Variants in PDE1A observed in about 807,000 individuals in gnomAD.
PDE1A encodes the protein phosphodiesterase 1A, also known as dual specificity calcium/calmodulin-dependent 3',5'-cyclic nucleotide phosphodiesterase 1A.
A neutral mutation model predicts 61.7 loss-of-function variants in PDE1A; 35 were observed. That is an observed-to-expected ratio of 0.57 (90% CI 0.43 to 0.75). The LOEUF is 0.75. Ranked by LOEUF, PDE1A falls within the 30% of genes least tolerant of loss-of-function variation. The pLI, the probability that PDE1A is intolerant of heterozygous loss-of-function variation, is 0.00. For synonymous variants in PDE1A, 232 were observed against 213.2 expected (o/e 1.09, Z -0.77); for missense variants, 597 against 630.6 (o/e 0.95, Z 0.57).
At chr2:182,521,501 T>C (rs987169663) in intron 2 of PDE1A, among the ~76,000 whole-genome samples, 86 of 152,166 alleles carry the variant, frequency 5.7e-4, no homozygotes, top group African/African-American at 2.0e-3. Flanking sequence ...AGATAAAGCA[T>C]ACAAACAGTG....
chr2:182,661,738 T>C, the PDE1A span, among the ~76,000 whole-genome samples: 1 of 152,162 alleles, frequency 6.6e-6, no homozygotes, highest in Non-Finnish European at 1.5e-5. Flanking sequence ...ATGTACCAAA[T>C]ATATTCCTAA....
chr2:182,490,526 C>T (rs1399641763), intron 2 of PDE1A, among the ~76,000 whole-genome samples: 1 of 152,136 alleles, frequency 6.6e-6, no homozygotes, highest in African/African-American at 2.4e-5. Flanking sequence ...CCCACCACCA[C>T]GCCCAGCTAA....
At chr2:182,278,113 G>C (rs1168211663) in intron 1 of PDE1A, among the ~76,000 whole-genome samples, 1 of 152,090 alleles carries the variant, frequency 6.6e-6, no homozygotes, top group East Asian at 1.9e-4. Flanking sequence ...GATTAAATAG[G>C]ACAATTTCTT....
the PDE1A span, among the ~76,000 whole-genome samples, chr2:182,543,615 C>A: frequency 1.4e-5 from 2 of 147,860 alleles, no homozygotes; most frequent in Non-Finnish European, 2.9e-5. Flanking sequence ...CAAACTTTAA[C>A]CTTATTTTAA....
chr2:182,674,849 A>G, the PDE1A span, among the ~76,000 whole-genome samples: 1 of 152,152 alleles, frequency 6.6e-6, no homozygotes, highest in Non-Finnish European at 1.5e-5. Flanking sequence ...ATCCCAGCAG[A>G]CAACATGTAT....
At chr2:182,364,720 T>A (rs1048930196) in intron 1 of PDE1A, among the ~76,000 whole-genome samples, 38 of 151,762 alleles carry the variant, frequency 2.5e-4, no homozygotes, top group African/African-American at 6.5e-4. Flanking sequence ...TTATAATTTT[T>A]AAAAAAAATA....
chr2:182,436,880 C>T (rs1441001522), intron 2 of PDE1A, among the ~76,000 whole-genome samples: 1 of 151,964 alleles, frequency 6.6e-6, no homozygotes, highest in African/African-American at 2.4e-5. Flanking sequence ...TAACATATTG[C>T]ACTGCCTCTC....
chr2:182,662,449 C>A, the PDE1A span, among the ~76,000 whole-genome samples: 2 of 151,986 alleles, frequency 1.3e-5, no homozygotes, highest in Non-Finnish European at 2.9e-5. Flanking sequence ...TTCTACAGGG[C>A]TACAGTAACC....
chr2:182,669,653 T>C, the PDE1A span, among the ~76,000 whole-genome samples: 1 of 152,252 alleles, frequency 6.6e-6, no homozygotes, highest in Non-Finnish European at 1.5e-5. Flanking sequence ...ATTAATTCTG[T>C]TTATAATCCC....
intron 10 of PDE1A, among the ~76,000 whole-genome samples, chr2:182,195,512 A>G (rs1403072938): frequency 6.6e-6 from 1 of 152,092 alleles, no homozygotes; most frequent in African/African-American, 2.4e-5. Flanking sequence ...TGTTTGACCA[A>G]TGTACATAAA....
chr2:182,420,010 T>G (rs145447630), intron 1 of PDE1A, among the ~76,000 whole-genome samples: 3,544 of 149,812 alleles, frequency 0.024, 67 homozygotes, highest in South Asian at 0.048. Flanking sequence ...AATAGAATTA[T>G]AATAATTATA....
chr2:182,359,560 T>C (rs1015951122), intron 1 of PDE1A, among the ~76,000 whole-genome samples: 9 of 152,166 alleles, frequency 5.9e-5, no homozygotes, highest in African/African-American at 2.2e-4. Context: ...TTTCCCTCGT[T>C]TGAAACATCA....
chr2:182,504,469 G>C (rs1232101817), intron 2 of PDE1A, among the ~76,000 whole-genome samples: 1 of 152,106 alleles, frequency 6.6e-6, no homozygotes, highest in African/African-American at 2.4e-5. Flanking sequence ...ATTTAGTAAA[G>C]ATAAAATTTA....
At chr2:182,322,236 A>G (rs548701333) in intron 1 of PDE1A, among the ~76,000 whole-genome samples, 4 of 152,340 alleles carry the variant, frequency 2.6e-5, no homozygotes, top group African/African-American at 9.6e-5. Context: ...AGTAAGCCAC[A>G]GAATCAACTC....
At chr2:182,338,156 C>T (rs574360188) in intron 1 of PDE1A, among the ~76,000 whole-genome samples, 21 of 152,274 alleles carry the variant, frequency 1.4e-4, no homozygotes, top group African/African-American at 5.1e-4. Context: ...CCTCTTACTG[C>T]CTTGAATGAG....
chr2:182,658,073 C>CAA, the PDE1A span, among the ~76,000 whole-genome samples: 69,559 of 119,076 alleles, frequency 0.58, 19,249 homozygotes, highest in Middle Eastern at 0.71. Flanking sequence ...AAAAAAAAAA[C>CAA]AAAAAAACTT....
chr2:182,386,847 C>A, intron 1 of PDE1A, among the ~76,000 whole-genome samples: 1 of 151,940 alleles, frequency 6.6e-6, no homozygotes, highest in South Asian at 2.1e-4. Context: ...AGGTGGGGGG[C>A]GCCTCTGCCC....
the PDE1A span, among the ~76,000 whole-genome samples, chr2:182,701,886 AT>A: frequency 6.6e-6 from 1 of 152,188 alleles, no homozygotes; most frequent in Non-Finnish European, 1.5e-5. Flanking sequence ...AATTTTAATC[AT>A]TGTTTAGATA....
chr2:182,665,982 C>A, the PDE1A span, among the ~76,000 whole-genome samples: 1 of 152,046 alleles, frequency 6.6e-6, no homozygotes, highest in Middle Eastern at 3.2e-3. Flanking sequence ...AAGGAAACAC[C>A]CCATGTTCTC....
Sources: gnomAD v4.1 joint callset for allele counts (sites outside exome capture counted in the v4.1 genomes callset) on GRCh38, gnomAD v4.1.1 for gene constraint, MANE v1.5 for transcripts, NCBI Gene and HGNC (gene_info 2026-07-23, HGNC 2026-07-21) for gene names.